CTNNA2: variants seen among roughly 807,000 people sequenced by gnomAD.
CTNNA2 encodes the protein catenin alpha 2.
Under a neutral mutation model 101.0 loss-of-function variants are expected in CTNNA2, and 42 were observed. That is an observed-to-expected ratio of 0.42 (90% confidence interval 0.32 to 0.54). The LOEUF (loss-of-function observed/expected upper bound fraction) is 0.54, where lower values mean the gene tolerates loss of function less well. Among genes scored for constraint, CTNNA2 ranks in the 20% least tolerant of loss-of-function variants. The probability of loss-of-function intolerance (pLI) is 0.14; values close to 1 mark genes in which losing one functional copy is unlikely to be tolerated. For synonymous variants in CTNNA2, 450 were observed against 456.4 expected (o/e 0.99, Z 0.18); for missense variants, 871 against 1,223.1 (o/e 0.71, Z 4.29).
chr2:79,916,534 CCCCTCCCCTCCCCT>C (rs1686219812), intron 7 of CTNNA2, among the ~76,000 whole-genome samples: 2 of 8,036 alleles, frequency 2.5e-4, no homozygotes, highest in Admixed American at 6.6e-4. Context: ...CCCCTCCCCT[CCCCTCCCCTCCCCT>C]CCCCTCCCCT....
intron 9 of CTNNA2, among the ~76,000 whole-genome samples, chr2:80,466,995 G>C (rs1239010907): frequency 6.6e-6 from 1 of 152,198 alleles, no homozygotes; most frequent in Non-Finnish European, 1.5e-5. Flanking sequence ...GGATAGACTA[G>C]ATATCATGAA....
Position 79,506,770 on chromosome 2 carries a change from T to C in CTNNA2, c.-6+1588T>C, listed in dbSNP as rs181180848. Among the ~76,000 whole-genome samples, 38 of 152,334 alleles carry C rather than the reference T, an allele frequency of 2.5e-4. No individual in the cohort carries two copies. In the East Asian group the frequency reaches 7.3e-3, roughly 29 times the overall value. ...GTATTCTGGATATCAGGAGATTCTG[T>C]CCCAAATCGTTTTCACTATGGTATT... On this transcript the variant is annotated intron_variant, in intron 5 of 21. Transcript: ENST00000466387.
At chr2:80,098,516 A>C (rs531776642) in intron 7 of CTNNA2, among the ~76,000 whole-genome samples, 2 of 152,284 alleles carry the variant, frequency 1.3e-5, no homozygotes, top group South Asian at 4.1e-4. Flanking sequence ...TGGGAGAACC[A>C]CTACTCTCTT....
Position 79,741,168 on chromosome 2 carries a change from A to C in CTNNA2, c.103-3219A>C, listed in dbSNP as rs533574898. The stretch of plus-strand genomic sequence containing the variant: ...AAGAGTGGTTAGTTTAAAAAGATAG[A>C]CCCAACTTTTTCACCTACTAATGGA... On this transcript the variant is annotated intron_variant, in intron 2 of 18. Coordinates refer to ENST00000402739, the MANE Select transcript of CTNNA2 (RefSeq NM_001282597.3). Among the ~76,000 whole-genome samples, 7 of 152,150 alleles carry C rather than the reference A, an allele frequency of 4.6e-5. 1 individual carries two copies. The highest frequency in any genetic ancestry group is 1.7e-4 in the African/African-American group (7 of 41,528).
chr2:80,061,776 G>T (rs1697615995), intron 7 of CTNNA2, among the ~76,000 whole-genome samples: 1 of 152,122 alleles, frequency 6.6e-6, no homozygotes, highest in Non-Finnish European at 1.5e-5. Context: ...TGTTTTCCAT[G>T]CCTTGGATGT....
intron 1 of CTNNA2, among the ~76,000 whole-genome samples, chr2:79,541,201 T>C (rs1673385968): frequency 8.6e-6 from 1 of 116,830 alleles, no homozygotes; most frequent in Admixed American, 8.4e-5. Context: ...TATATATGAG[T>C]TTGTGTGTAT....
intron 2 of CTNNA2, among the ~76,000 whole-genome samples, chr2:79,689,762 A>C (rs949438910): frequency 2.0e-5 from 3 of 152,038 alleles, no homozygotes; most frequent in Non-Finnish European, 4.4e-5. Context: ...GAATTATAGC[A>C]GAAGAAGAGA....
At chr2:79,186,013 C>T (rs978533302) in intron 1 of CTNNA2, among the ~76,000 whole-genome samples, 1 of 152,132 alleles carries the variant, frequency 6.6e-6, no homozygotes, top group Non-Finnish European at 1.5e-5. Context: ...AGTTATGCAG[C>T]CACCTTTTGA....
intron 2 of CTNNA2, among the ~76,000 whole-genome samples, chr2:79,255,265 A>G (rs962037424): frequency 4.6e-5 from 7 of 152,188 alleles, no homozygotes; most frequent in Non-Finnish European, 7.3e-5. Flanking sequence ...TCATCTATCA[A>G]AACCATGATT....
intron 3 of CTNNA2, among the ~76,000 whole-genome samples, chr2:79,751,919 A>G (rs1672073546): frequency 6.6e-6 from 1 of 152,174 alleles, no homozygotes; most frequent in African/African-American, 2.4e-5. Context: ...GGGAACAGAA[A>G]GAAGCTAAAA....
chr2:79,636,164 G>GGAGGCT (rs1680033796), intron 1 of CTNNA2, among the ~76,000 whole-genome samples: 1 of 149,998 alleles, frequency 6.7e-6, no homozygotes, highest in Non-Finnish European at 1.5e-5. Flanking sequence ...CAGCTACTCA[G>GGAGGCT]GAGGCTGAGG....
intron 12 of CTNNA2, among the ~76,000 whole-genome samples, chr2:80,559,038 A>G (rs1171183103): frequency 6.6e-6 from 1 of 152,138 alleles, no homozygotes; most frequent in African/African-American, 2.4e-5. Context: ...TGTTTGTAGC[A>G]TCTCTTTCTT....
chr2:80,408,063 A>T (rs1388992772), intron 8 of CTNNA2, among the ~76,000 whole-genome samples: 1 of 152,188 alleles, frequency 6.6e-6, no homozygotes, highest in African/African-American at 2.4e-5. Flanking sequence ...AATGCTCATC[A>T]TTCTCCCTTC....
At chr2:80,314,469 A>C (rs967197639) in intron 7 of CTNNA2, among the ~76,000 whole-genome samples, 5 of 152,172 alleles carry the variant, frequency 3.3e-5, no homozygotes, top group Non-Finnish European at 7.4e-5. Flanking sequence ...TAAAATTAGG[A>C]AACACTCCCC....
At chr2:80,318,641 T>C (rs1276128237) in intron 7 of CTNNA2, among the ~76,000 whole-genome samples, 1 of 152,142 alleles carries the variant, frequency 6.6e-6, no homozygotes, top group South Asian at 2.1e-4. Flanking sequence ...TTCAAAGGCG[T>C]TTATTTTTAA....
intron 7 of CTNNA2, among the ~76,000 whole-genome samples, chr2:79,993,258 T>C (rs1392838543): frequency 6.6e-6 from 1 of 152,178 alleles, no homozygotes; most frequent in Non-Finnish European, 1.5e-5. Context: ...TAAACTGTCT[T>C]TAAACCTGCT....
intron 16 of CTNNA2, among the ~76,000 whole-genome samples, chr2:80,604,970 T>C (rs1004554624): frequency 6.6e-6 from 1 of 151,998 alleles, no homozygotes; most frequent in Non-Finnish European, 1.5e-5. Context: ...TTAATATGGC[T>C]CTCACTCTAA....
chr2:80,522,295 C>T (rs1264772325), intron 9 of CTNNA2, among the ~76,000 whole-genome samples: 1 of 152,158 alleles, frequency 6.6e-6, no homozygotes, highest in Non-Finnish European at 1.5e-5. Flanking sequence ...GTGCTGCAGT[C>T]TTCTGTAGCA....
chr2:79,965,073 T>C (rs1270423771), intron 7 of CTNNA2, among the ~76,000 whole-genome samples: 1 of 152,228 alleles, frequency 6.6e-6, no homozygotes, highest in Non-Finnish European at 1.5e-5. Context: ...GCACTGTTAA[T>C]TCCAAGAATT....
Sources: gnomAD v4.1 joint callset for allele counts (sites outside exome capture counted in the v4.1 genomes callset) on GRCh38, gnomAD v4.1.1 for gene constraint, MANE v1.5 for transcripts, NCBI Gene and HGNC (gene_info 2026-07-23, HGNC 2026-07-21) for gene names.